Variants in GRIA2 observed in about 807,000 individuals in gnomAD.
GRIA2 encodes the protein glutamate receptor 2.
A neutral mutation model predicts 97.3 loss-of-function variants in GRIA2; 14 were observed. The observed-to-expected ratio is 0.14, with a 90% CI of 0.10 to 0.23. The LOEUF is 0.23. Ranked by LOEUF, GRIA2 falls within the 10% of genes least tolerant of loss-of-function variation. GRIA2 has a pLI of 1.00. For synonymous variants in GRIA2, 412 were observed against 387.8 expected (o/e 1.06, Z -0.73); for missense variants, 558 against 1,069.8 (o/e 0.52, Z 6.67).
At chr4:157,322,999 T>G (rs1734644274) in intron 6 of GRIA2, among the ~76,000 whole-genome samples, 1 of 152,144 alleles carries the variant, frequency 6.6e-6, no homozygotes, top group Non-Finnish European at 1.5e-5. Context: ...GTAACTTTTT[T>G]TCAAAAACGA....
At chr4:157,363,105 C>G in intron 15 of GRIA2, 58 bp downstream of exon 15, 1 of 1,510,298 alleles carries the variant, frequency 6.6e-7, no homozygotes, top group Non-Finnish European at 8.9e-7. Context: ...CTTGTTGCGT[C>G]CTTAAGCTCT....
chr4:157,269,295 G>T (rs763714936), intron 2 of GRIA2, among the ~76,000 whole-genome samples: 33 of 152,064 alleles, frequency 2.2e-4, no homozygotes, highest in Non-Finnish European at 4.1e-4. Context: ...GAAAACACTG[G>T]AATGACCTAC....
At chr4:157,276,531 G>C (rs1732322037) in intron 2 of GRIA2, among the ~76,000 whole-genome samples, 2 of 151,738 alleles carry the variant, frequency 1.3e-5, no homozygotes, top group Admixed American at 1.3e-4. Context: ...ATAAAAAATG[G>C]AGCAGAAAGA....
chr4:157,362,359 A>C, intron 14 of GRIA2: 1 of 456,450 alleles, frequency 2.2e-6, no homozygotes, highest in Admixed American at 2.3e-5. Context: ...AGCCAGTAAC[A>C]TGGTCAACAT....
intron 2 of GRIA2, among the ~76,000 whole-genome samples, chr4:157,302,914 T>A (rs937883076): frequency 6.6e-6 from 1 of 152,200 alleles, no homozygotes; most frequent in Non-Finnish European, 1.5e-5. Flanking sequence ...AGAATTAATA[T>A]GTAGTGTAAC....
At chr4:157,233,431 GTTTTA>G (rs1730111004) in intron 2 of GRIA2, among the ~76,000 whole-genome samples, 1 of 152,012 alleles carries the variant, frequency 6.6e-6, no homozygotes, top group African/African-American at 2.4e-5. Flanking sequence ...GATTCCTAAT[GTTTTA>G]TTTTATGTAA....
chr4:157,258,659 C>T (rs1489719856), intron 2 of GRIA2, among the ~76,000 whole-genome samples: 1 of 152,196 alleles, frequency 6.6e-6, no homozygotes, highest in African/African-American at 2.4e-5. Flanking sequence ...TATTTGTACA[C>T]TCCCTCCCCT....
intron 12 of GRIA2, among the ~76,000 whole-genome samples, chr4:157,354,712 G>T (rs954355286): frequency 6.6e-6 from 1 of 152,106 alleles, no homozygotes; most frequent in East Asian, 1.9e-4. Flanking sequence ...CAAAAATGAA[G>T]TTTATTTAGC....
At chr4:157,278,366 A>G (rs1216130143) in intron 2 of GRIA2, among the ~76,000 whole-genome samples, 3 of 151,966 alleles carry the variant, frequency 2.0e-5, no homozygotes, top group Non-Finnish European at 4.4e-5. Flanking sequence ...AGACAATACA[A>G]TGGGCAAAGG....
chr4:157,221,094 C>G lies in GRIA2; in HGVS notation c.52C>G (p.Leu18Val), dbSNP rs1296243918. The G allele has an allele frequency of 1.9e-6, 3 of 1,594,600 alleles. No homozygotes were observed. In the Admixed American group the frequency reaches 5.0e-5, roughly 27 times the overall value. The change falls in exon 1 of 16, where the codon CTG becomes GTG. Residue 18 changes from leucine to valine, a missense_variant. Transcript: ENST00000264426. ...CCTCCTTTCTCCTGTTTTATGGGGACTGATTTTTGGTGTCTCTTCTAACAG... is the reference window on the plus strand; with the variant it reads ...CCTCCTTTCTCCTGTTTTATGGGGAGTGATTTTTGGTGTCTCTTCTAACAG... The part of the protein sequence containing the change: ...SVLLSPVLWG[L>V]IFGVSSNSIQ...
chr4:157,316,981 T>C (rs1734352789), intron 4 of GRIA2, among the ~76,000 whole-genome samples: 1 of 152,224 alleles, frequency 6.6e-6, no homozygotes, highest in Admixed American at 6.5e-5. Context: ...GATGACCACT[T>C]GTTTCATGCT....
At chr4:157,231,915 A>C (rs1730037093) in intron 2 of GRIA2, among the ~76,000 whole-genome samples, 1 of 152,210 alleles carries the variant, frequency 6.6e-6, no homozygotes, top group Admixed American at 6.5e-5. Context: ...GTGTTTAAAA[A>C]GTATTAGTAT....
chr4:157,356,621 C>A (rs1349863829), intron 12 of GRIA2, among the ~76,000 whole-genome samples: 2 of 152,026 alleles, frequency 1.3e-5, no homozygotes, highest in East Asian at 3.9e-4. Context: ...TTTACAATTG[C>A]TTAAATTATC....
At chr4:157,291,080 C>T (rs1447225076) in intron 2 of GRIA2, among the ~76,000 whole-genome samples, 5 of 151,922 alleles carry the variant, frequency 3.3e-5, no homozygotes, top group East Asian at 3.9e-4. Flanking sequence ...AAATAACTTA[C>T]GGTGAAGCAC....
chr4:157,247,683 C>T (rs537433267), intron 2 of GRIA2, among the ~76,000 whole-genome samples: 1 of 152,152 alleles, frequency 6.6e-6, no homozygotes, highest in South Asian at 2.1e-4. Context: ...TTTTTGTTAG[C>T]TCTGGGGAGA....
chr4:157,344,884 G>A (rs1735705185), intron 12 of GRIA2, among the ~76,000 whole-genome samples: 1 of 151,920 alleles, frequency 6.6e-6, no homozygotes, highest in Non-Finnish European at 1.5e-5. Flanking sequence ...AGAAATTAAT[G>A]GCCAATTCTA....
chr4:157,229,262 C>T (rs190467204), intron 2 of GRIA2, among the ~76,000 whole-genome samples: 6 of 152,106 alleles, frequency 3.9e-5, no homozygotes, highest in Admixed American at 1.3e-4. Context: ...TGTTTTCTAA[C>T]GATTTTGTTT....
intron 2 of GRIA2, among the ~76,000 whole-genome samples, chr4:157,244,823 T>G (rs1165781769): frequency 6.6e-6 from 1 of 152,018 alleles, no homozygotes; most frequent in African/African-American, 2.4e-5. Context: ...TTTCCCTCTT[T>G]GGCTCCTCAG....
intron 2 of GRIA2, among the ~76,000 whole-genome samples, chr4:157,245,934 C>T (rs1187088908): frequency 1.3e-5 from 2 of 152,106 alleles, no homozygotes; most frequent in African/African-American, 2.4e-5. Flanking sequence ...TTAGGCTTCT[C>T]ACAGAACACG....
Sources: gnomAD v4.1 joint callset for allele counts (sites outside exome capture counted in the v4.1 genomes callset) on GRCh38, gnomAD v4.1.1 for gene constraint, MANE v1.5 for transcripts, NCBI Gene and HGNC (gene_info 2026-07-23, HGNC 2026-07-21) for gene names.